SYNPR: variants seen among roughly 807,000 people sequenced by gnomAD.
SYNPR encodes the protein synaptoporin.
Under a neutral mutation model 32.9 loss-of-function variants are expected in SYNPR, and 23 were observed. The observed-to-expected ratio is 0.70, with a 90% CI of 0.50 to 0.99. The LOEUF is 0.99. Among genes scored for constraint, SYNPR ranks in the 50% least tolerant of loss-of-function variants. SYNPR has a pLI of 0.00. For synonymous variants in SYNPR, 146 were observed against 135.9 expected (o/e 1.07, Z -0.52); for missense variants, 318 against 349.3 (o/e 0.91, Z 0.71).
At chr3:63,411,650 A>G (rs1288005298) in intron 2 of SYNPR, among the ~76,000 whole-genome samples, 1 of 152,100 alleles carries the variant, frequency 6.6e-6, no homozygotes, top group African/African-American at 2.4e-5. Flanking sequence ...GTATTCCAGG[A>G]GACATAAACA....
intron 3 of SYNPR, among the ~76,000 whole-genome samples, chr3:63,502,854 T>C (rs1701508909): frequency 6.6e-6 from 1 of 152,150 alleles, no homozygotes; most frequent in South Asian, 2.1e-4. Context: ...TTGCATGTAC[T>C]GCAGTTTATC....
At chr3:63,601,202 G>A (rs1352615421) in intron 4 of SYNPR, among the ~76,000 whole-genome samples, 2 of 152,014 alleles carry the variant, frequency 1.3e-5, no homozygotes, top group African/African-American at 2.4e-5. Context: ...GAACCTGGGA[G>A]GTGGAGGTTG....
At position 63,543,430 on chromosome 3, in the gene SYNPR, T is replaced by C. The variant is rs745963233; in HGVS notation, c.210-13113T>C. On this transcript the variant is annotated intron_variant, in intron 3 of 5. Coordinates refer to ENST00000478300, the MANE Select transcript of SYNPR (RefSeq NM_001130003.2). ...ATCAGGAGAGGAAGTTTAATTTAGC[T>C]TCTGTTCTATTTAAATATTCTGTTA... Among the ~76,000 whole-genome samples the C allele has an allele frequency of 2.9e-4, 44 of 152,134 alleles. 1 individual carries two copies. The highest frequency in any genetic ancestry group is 1.2e-4 in the African/African-American group (5 of 41,448).
At chr3:63,476,319 A>AGGAAGGAAGGAG in intron 2 of SYNPR, among the ~76,000 whole-genome samples, 1 of 55,610 alleles carries the variant, frequency 1.8e-5, no homozygotes. Context: ...AAGGGAGGGA[A>AGGAAGGAAGGAG]GCAAGGGAAG....
At chr3:63,317,260 G>C (rs993254884) in intron 2 of SYNPR, among the ~76,000 whole-genome samples, 7 of 151,620 alleles carry the variant, frequency 4.6e-5, no homozygotes, top group African/African-American at 1.2e-4. Flanking sequence ...TTTATTCCAA[G>C]GTGTAGTTTA....
At chr3:63,347,603 T>C in intron 2 of SYNPR, among the ~76,000 whole-genome samples, 1 of 152,164 alleles carries the variant, frequency 6.6e-6, no homozygotes, top group East Asian at 1.9e-4. Flanking sequence ...ATTGTACCTA[T>C]TAAATAATTT....
chr3:63,451,437 A>G (rs779942851), intron 2 of SYNPR, among the ~76,000 whole-genome samples: 6 of 152,200 alleles, frequency 3.9e-5, no homozygotes, highest in Admixed American at 6.5e-5. Context: ...GAGAATCATC[A>G]CTGAAGAATA....
intron 4 of SYNPR, among the ~76,000 whole-genome samples, chr3:63,597,622 A>C (rs1488523193): frequency 1.3e-5 from 2 of 152,128 alleles, no homozygotes; most frequent in Non-Finnish European, 2.9e-5. Context: ...AACTTCAGAA[A>C]ACCTGGGCAT....
chr3:63,494,620 G>A (rs1477006640), intron 3 of SYNPR, among the ~76,000 whole-genome samples: 1 of 150,970 alleles, frequency 6.6e-6, no homozygotes, highest in Admixed American at 6.7e-5. Flanking sequence ...CCATATACCA[G>A]GACAGTGGAA....
chr3:63,280,823 C>CGACT (rs2086624430), intron 2 of SYNPR, among the ~76,000 whole-genome samples: 1 of 152,122 alleles, frequency 6.6e-6, no homozygotes, highest in Non-Finnish European at 1.5e-5. Context: ...AAATTATTTG[C>CGACT]AGTCCTTCCC....
chr3:63,260,257 C>A (rs191332949), intron 2 of SYNPR, among the ~76,000 whole-genome samples: 2 of 152,092 alleles, frequency 1.3e-5, no homozygotes, highest in African/African-American at 4.8e-5. Context: ...GAGCCCGCAT[C>A]GCCAAGTCAA....
chr3:63,234,755 G>C (rs755284484), intron 1 of SYNPR, among the ~76,000 whole-genome samples: 10 of 152,146 alleles, frequency 6.6e-5, no homozygotes, highest in Non-Finnish European at 1.5e-4. Flanking sequence ...GTTCTGCTCG[G>C]GGCCAGTGGG....
chr3:63,493,542 C>T lies in SYNPR; in HGVS notation c.209+12586C>T, dbSNP rs755817969. Among the ~76,000 whole-genome samples the T allele has an allele frequency of 2.6e-5, 4 of 152,058 alleles. No homozygotes were observed. In the East Asian group the frequency reaches 5.8e-4, roughly 22 times the overall value. Reference sequence around the variant, plus strand: ...TTAAAATGGAGATTCCAGCCAGGCACGGTACACTGCTTGCTGTAATCCAAG... The same window carrying T: ...TTAAAATGGAGATTCCAGCCAGGCATGGTACACTGCTTGCTGTAATCCAAG... On this transcript the variant is annotated intron_variant, in intron 3 of 5. Coordinates refer to ENST00000478300, the MANE Select transcript of SYNPR (RefSeq NM_001130003.2).
chr3:63,411,088 T>G (rs2088458510), intron 2 of SYNPR, among the ~76,000 whole-genome samples: 2 of 152,176 alleles, frequency 1.3e-5, no homozygotes, highest in Admixed American at 6.5e-5. Flanking sequence ...CAGCTTCTGC[T>G]TCTTTAAGTA....
At chr3:63,473,939 T>C (rs190547889) in intron 2 of SYNPR, among the ~76,000 whole-genome samples, 2 of 152,350 alleles carry the variant, frequency 1.3e-5, no homozygotes, top group East Asian at 3.9e-4. Flanking sequence ...AGTTACTGTT[T>C]GATAACTGTC....
At chr3:63,375,544 A>C (rs2087878173) in intron 2 of SYNPR, among the ~76,000 whole-genome samples, 1 of 152,042 alleles carries the variant, frequency 6.6e-6, no homozygotes, top group Non-Finnish European at 1.5e-5. Flanking sequence ...ACACAGGGCA[A>C]GGAACATCAC....
chr3:63,224,845 CAG>C (rs984096724), upstream of SYNPR, among the ~76,000 whole-genome samples: 4 of 152,172 alleles, frequency 2.6e-5, no homozygotes, highest in Admixed American at 2.6e-4. Flanking sequence ...TTTTGAGCAA[CAG>C]AGTCTCAAGA....
chr3:63,571,923 G>A (rs1559539991), intron 4 of SYNPR, among the ~76,000 whole-genome samples: 1 of 152,134 alleles, frequency 6.6e-6, no homozygotes, highest in Non-Finnish European at 1.5e-5. Flanking sequence ...CTCGTTGAAG[G>A]TAGGACTGGT....
intron 2 of SYNPR, among the ~76,000 whole-genome samples, chr3:63,467,362 T>A (rs571748223): frequency 1.3e-5 from 2 of 152,224 alleles, no homozygotes; most frequent in Non-Finnish European, 2.9e-5. Flanking sequence ...GTTTTTAAAC[T>A]AATGAATTTG....
Sources: allele counts gnomAD v4.1 joint callset (sites outside exome capture counted in the v4.1 genomes callset), GRCh38; gene constraint gnomAD v4.1.1; transcripts MANE v1.5; gene names NCBI Gene and HGNC (gene_info 2026-07-23, HGNC 2026-07-21).